The following LRPPRC variants were observed in gnomAD, a reference collection of about 807,000 sequenced individuals.
LRPPRC encodes the protein leucine rich pentatricopeptide repeat containing.
In LRPPRC, 120 loss-of-function variants were observed where a neutral mutation model predicts 180.3. That is an observed-to-expected ratio of 0.67 (90% CI 0.57 to 0.77). The LOEUF (loss-of-function observed/expected upper bound fraction) is 0.77. LRPPRC is among the 30% of genes least tolerant of loss of function. The pLI is 0.00. For missense variants in LRPPRC, 2,012 were observed against 1,657.2 expected, an observed-to-expected ratio of 1.21 and a Z score of -3.72; for synonymous variants, 723 against 600.0, an observed-to-expected ratio of 1.21 and a Z score of -3.00.
intron 29 of LRPPRC, among the ~76,000 whole-genome samples, chr2:43,915,232 T>TCTCTCTCACA (rs1174216406): frequency 3.9e-5 from 2 of 51,874 alleles, no homozygotes; most frequent in Non-Finnish European, 6.9e-5. Context: ...TCTCTCTCTC[T>TCTCTCTCACA]CACACACACA....
intron 27 of LRPPRC, among the ~76,000 whole-genome samples, chr2:43,920,228 A>C (rs1444375265): frequency 1.3e-5 from 2 of 151,994 alleles, no homozygotes; most frequent in South Asian, 2.1e-4. Flanking sequence ...CTCCGCCTCC[A>C]GGGTTCAAGC....
intron 23 of LRPPRC, among the ~76,000 whole-genome samples, chr2:43,935,206 G>A (rs1672233748): frequency 1.3e-5 from 2 of 152,178 alleles, no homozygotes; most frequent in African/African-American, 4.8e-5. Flanking sequence ...TATGTAGAAA[G>A]TTGCTGTAAG....
chr2:43,930,914 T>C (rs1312804755), intron 25 of LRPPRC, among the ~76,000 whole-genome samples: 1 of 152,178 alleles, frequency 6.6e-6, no homozygotes, highest in Non-Finnish European at 1.5e-5. Flanking sequence ...CTTCTTTTAG[T>C]CTATGACCTT....
At chr2:43,980,445 C>T (rs1385849549) in intron 2 of LRPPRC, among the ~76,000 whole-genome samples, 2 of 150,646 alleles carry the variant, frequency 1.3e-5, no homozygotes, top group South Asian at 2.1e-4. Context: ...TCTAGCTACT[C>T]GGGAGGCTGA....
intron 11 of LRPPRC, 47 bp from the exon 12 acceptor site, chr2:43,963,753 A>C: frequency 1.0e-6 from 1 of 996,286 alleles, no homozygotes; most frequent in Non-Finnish European, 1.6e-6. Context: ...CTTAGAATAA[A>C]GTAAGAAAAG....
chr2:43,974,604 T>C lies in LRPPRC; in HGVS notation c.1009+10A>G. On this transcript the variant is annotated intron_variant, in intron 8 of 37. Coordinates refer to ENST00000260665, the MANE Select transcript of LRPPRC (RefSeq NM_133259.4). ...ATAAAAATCATGTAAATAGATTTTT[T>C]TAAAACTACCTGGAATATATCTTCT... 1 of 1,533,232 alleles carries C rather than the reference T, an allele frequency of 6.5e-7. No homozygotes were observed. Among genetic ancestry groups the C allele is most frequent in the Non-Finnish European group, 9.0e-7 (1 of 1,110,874 alleles). 95.0% of individuals were successfully genotyped at this position (1,533,232 alleles called of 1,614,324 possible).
At chr2:43,914,720 T>G (rs971358499) in intron 29 of LRPPRC, among the ~76,000 whole-genome samples, 6 of 151,706 alleles carry the variant, frequency 4.0e-5, no homozygotes, top group Admixed American at 2.6e-4. Flanking sequence ...TAGAGCAACA[T>G]TCTGCCTCAA....
chr2:43,933,715 G>A (rs551566219), intron 25 of LRPPRC, among the ~76,000 whole-genome samples: 1 of 152,222 alleles, frequency 6.6e-6, no homozygotes, highest in Admixed American at 6.5e-5. Flanking sequence ...AAAAAAAGAA[G>A]AAGAAAATTT....
intron 25 of LRPPRC, among the ~76,000 whole-genome samples, chr2:43,932,139 A>C (rs1672113793): frequency 6.7e-6 from 1 of 148,758 alleles, no homozygotes; most frequent in Non-Finnish European, 1.5e-5. Flanking sequence ...AAAAAAAAAA[A>C]AAAAAAAAAA....
intron 35 of LRPPRC, among the ~76,000 whole-genome samples, chr2:43,894,855 A>G (rs1670624407): frequency 6.6e-6 from 1 of 152,192 alleles, no homozygotes; most frequent in South Asian, 2.1e-4. Context: ...TTCCACTTAC[A>G]TTTCTATGAA....
chr2:43,896,814 T>G (rs1422675057), intron 34 of LRPPRC, 106 bp from the exon 35 acceptor site: 1 of 758,450 alleles, frequency 1.3e-6, no homozygotes, highest in South Asian at 1.4e-5. Flanking sequence ...TAGTGTATTA[T>G]TACCAATAGG....
intron 22 of LRPPRC, among the ~76,000 whole-genome samples, chr2:43,944,903 AAAGT>A (rs1672622042): frequency 1.3e-5 from 2 of 152,238 alleles, no homozygotes; most frequent in African/African-American, 4.8e-5. Context: ...ATGTTATTAA[AAAGT>A]AAGGCAAAGA....
At chr2:43,959,019 C>T in intron 13 of LRPPRC, 1 of 492,776 alleles carries the variant, frequency 2.0e-6, no homozygotes, top group Non-Finnish European at 3.6e-6. Context: ...AAAAGATGAC[C>T]AGAAACATCT....
intron 14 of LRPPRC, among the ~76,000 whole-genome samples, chr2:43,950,887 T>G (rs924820241): frequency 6.6e-6 from 1 of 152,108 alleles, no homozygotes; most frequent in Non-Finnish European, 1.5e-5. Context: ...CTGGCCAACA[T>G]GGTGAAATCC....
At position 43,934,271 on chromosome 2, in the gene LRPPRC, T is replaced by C. The variant is rs2105059419; in HGVS notation, c.2655A>G (p.Gln885=). The C allele has an allele frequency of 6.2e-7, 1 of 1,609,406 alleles. No individual in the cohort carries two copies. The highest frequency in any genetic ancestry group is 8.5e-7 in the Non-Finnish European group (1 of 1,176,254). ...GATCATAGAGCATCACCATTTCACC[T>C]TGTTCTTGGCTCACAAAGTCCATTG... ...QKAMDFVSQE[Q]GEMVMLYDLF... is the part of the protein sequence containing the mutation. Residue 885 remains glutamine, a synonymous_variant, in exon 25 of 38, where the codon CAA becomes CAG. Transcript: ENST00000260665.
At chr2:43,905,397 C>T (rs1050392907) in intron 31 of LRPPRC, among the ~76,000 whole-genome samples, 1 of 152,174 alleles carries the variant, frequency 6.6e-6, no homozygotes, top group Non-Finnish European at 1.5e-5. Flanking sequence ...TGTACTTTCT[C>T]TCGTTCTGGA....
rs75856196 is a variant in LRPPRC at position 43,943,559 on chromosome 2, C to G, written c.2504+128G>C. On this transcript the variant is annotated intron_variant, in intron 23 of 37. Coordinates refer to ENST00000260665, the MANE Select transcript of LRPPRC (RefSeq NM_133259.4). ...AAAGGTCACCTAGTTCATATTAGCCCTCTTACTCTGTGGTAAATGACCTCC... is the reference window on the plus strand; with the variant it reads ...AAAGGTCACCTAGTTCATATTAGCCGTCTTACTCTGTGGTAAATGACCTCC... The G allele has an allele frequency of 2.8e-3, 2,149 of 766,358 alleles. 29 individuals are homozygous for G. The African/African-American group carries it at 0.032, about 11-fold the overall frequency. The allele number at this position is 766,358 out of a possible 1,614,324, so 47.5% of individuals were successfully genotyped here.
intron 17 of LRPPRC, 31 bp from the exon 18 acceptor site, chr2:43,948,230 C>T (rs775300879): frequency 3.2e-6 from 4 of 1,264,588 alleles, no homozygotes; most frequent in Non-Finnish European, 4.6e-6. Context: ...GGGGAAAAAA[C>T]CTGAGTTTTA....
At chr2:43,987,961 G>A (rs1674600650) in intron 1 of LRPPRC, among the ~76,000 whole-genome samples, 1 of 151,898 alleles carries the variant, frequency 6.6e-6, no homozygotes. Context: ...AAGAAACAAC[G>A]GGCCAGGCAC....
Sources: allele counts gnomAD v4.1 joint callset (sites outside exome capture counted in the v4.1 genomes callset), GRCh38; gene constraint gnomAD v4.1.1; transcripts MANE v1.5; gene names NCBI Gene and HGNC (gene_info 2026-07-23, HGNC 2026-07-21).